LRBA: variants seen among roughly 807,000 people sequenced by gnomAD.
LRBA encodes lipopolysaccharide-responsive and beige-like anchor protein.
LRBA carries 176 observed loss-of-function variants against 330.0 expected under a neutral mutation model. The ratio of observed to expected loss-of-function variants is 0.53; its 90% CI spans 0.47 to 0.60. The LOEUF is 0.60. LRBA is among the 20% of genes least tolerant of loss of function. The pLI is 0.00. For missense variants in LRBA, 3,259 were observed against 3,444.8 expected (o/e 0.95, Z 1.35); for synonymous variants, 1,230 against 1,193.0 (o/e 1.03, Z -0.64).
At chr4:150,641,563 A>G (rs1264429358) in intron 37 of LRBA, among the ~76,000 whole-genome samples, 1 of 152,130 alleles carries the variant, frequency 6.6e-6, no homozygotes, top group African/African-American at 2.4e-5. Flanking sequence ...AAATTTGCAA[A>G]TAAGGTTTCA....
chr4:150,944,396 T>C (rs144352769), intron 2 of LRBA, among the ~76,000 whole-genome samples: 3 of 152,322 alleles, frequency 2.0e-5, no homozygotes, highest in African/African-American at 7.2e-5. Context: ...GCACTTTACA[T>C]GGATTATCAT....
chr4:150,442,308 C>G (rs935857718), intron 44 of LRBA, among the ~76,000 whole-genome samples: 1 of 152,088 alleles, frequency 6.6e-6, no homozygotes, highest in African/African-American at 2.4e-5. Context: ...AAAGGTAACT[C>G]TAAACCAAAA....
At chr4:150,572,637 C>T (rs185714596) in intron 40 of LRBA, among the ~76,000 whole-genome samples, 4 of 152,238 alleles carry the variant, frequency 2.6e-5, no homozygotes, top group Admixed American at 2.0e-4. Flanking sequence ...TTACTGACTC[C>T]ATTGCTAGAT....
chr4:150,849,480 T>C lies in LRBA; in HGVS notation c.4100A>G (p.Asn1367Ser), dbSNP rs138220755. Residue 1367 changes from asparagine to serine, a missense_variant, in exon 25 of 57, where the codon AAT becomes AGT. Coordinates refer to ENST00000651943, the MANE Select transcript of LRBA (RefSeq NM_001364905.1). Reference sequence around the variant, plus strand: ...TATACCCCCACAAGCCATGACCATATTGTCCATCACTTGAGAGATGAGATG... The same window carrying C: ...TATACCCCCACAAGCCATGACCATACTGTCCATCACTTGAGAGATGAGATG... Reference protein sequence around the residue: ...TIHLISQVMDNMVMACGGILP... With the variant: ...TIHLISQVMDSMVMACGGILP... 1.5e-4 allele frequency: 238 copies of C among 1,613,402 alleles called. No individual in the cohort carries two copies. The highest frequency in any genetic ancestry group is 2.2e-5 in the East Asian group (1 of 44,872).
chr4:150,925,729 T>A (rs1475425283), intron 4 of LRBA, among the ~76,000 whole-genome samples: 2 of 152,248 alleles, frequency 1.3e-5, no homozygotes, highest in African/African-American at 4.8e-5. Context: ...TATTATTTGC[T>A]ATTTTCTTAC....
rs1316205456 is a variant in LRBA at position 150,278,009 on chromosome 4, G to A, written c.8317-5C>T. 6.2e-7 allele frequency: 1 copy of A among 1,613,268 alleles called. No homozygotes were observed. Among genetic ancestry groups the A allele is most frequent in the Admixed American group, 1.7e-5 (1 of 59,994 alleles). On this transcript the variant is annotated splice_polypyrimidine_tract_variant and splice_region_variant and intron_variant, in intron 55 of 56. Coordinates refer to ENST00000651943, the MANE Select transcript of LRBA (RefSeq NM_001364905.1). ...ATCTCGGCTCAGCTGGATGGCCTGT[G>A]AGACACAGCAACATTCAGTAGAAAT...
chr4:150,720,773 T>A (rs1454629964), intron 36 of LRBA, among the ~76,000 whole-genome samples: 5 of 152,186 alleles, frequency 3.3e-5, no homozygotes, highest in Non-Finnish European at 7.4e-5. Flanking sequence ...ATAAATAATG[T>A]TCAATACTGA....
intron 36 of LRBA, among the ~76,000 whole-genome samples, chr4:150,729,930 T>C (rs2127120539): frequency 6.6e-6 from 1 of 152,276 alleles, no homozygotes; most frequent in Non-Finnish European, 1.5e-5. Context: ...CTGGGAAAGC[T>C]AGTTATCCAT....
chr4:150,817,194 A>G lies in LRBA; in HGVS notation c.5235T>C (p.Pro1745=). The change falls in exon 31 of 57, where the codon CCT becomes CCC. Residue 1745 remains proline (P), a synonymous_variant. Transcript: ENST00000651943. The part of the protein sequence containing the change: ...VSPSTFNTSI[P]TNAVSVVSSV... Reference sequence around the variant, plus strand: ...AGGAAACCACACTGACAGCATTGGTAGGTATGCTTGTATTAAAGGTGGAAG... The same window carrying G: ...AGGAAACCACACTGACAGCATTGGTGGGTATGCTTGTATTAAAGGTGGAAG... 2 of 1,612,054 alleles carry G rather than the reference A, an allele frequency of 1.2e-6. No homozygotes were observed. The highest frequency in any genetic ancestry group is 1.7e-6 in the Non-Finnish European group (2 of 1,178,490).
chr4:150,769,143 C>T (rs1279840462), intron 34 of LRBA, among the ~76,000 whole-genome samples: 1 of 151,846 alleles, frequency 6.6e-6, no homozygotes, highest in Non-Finnish European at 1.5e-5. Flanking sequence ...TGGGTTTTCA[C>T]CATGTTGGCT....
intron 38 of LRBA, among the ~76,000 whole-genome samples, chr4:150,595,350 G>A (rs1192114761): frequency 1.3e-5 from 2 of 151,878 alleles, no homozygotes; most frequent in African/African-American, 4.8e-5. Flanking sequence ...TAAAAAGGAA[G>A]CAACAGTATC....
chr4:150,873,401 G>A (rs995025328), intron 17 of LRBA, among the ~76,000 whole-genome samples: 1 of 151,916 alleles, frequency 6.6e-6, no homozygotes, highest in Non-Finnish European at 1.5e-5. Flanking sequence ...GACCAGCCTA[G>A]CCAACATGGT....
intron 47 of LRBA, among the ~76,000 whole-genome samples, chr4:150,353,891 T>A (rs1737493549): frequency 6.6e-6 from 1 of 152,200 alleles, no homozygotes; most frequent in Admixed American, 6.5e-5. Context: ...GCTTCAAGCA[T>A]GTCTTGCAAT....
At chr4:150,893,972 C>T (rs1222331148) in intron 16 of LRBA, among the ~76,000 whole-genome samples, 2 of 152,224 alleles carry the variant, frequency 1.3e-5, no homozygotes, top group Non-Finnish European at 2.9e-5. Context: ...AGCCACCGCG[C>T]CCGGCCTCGA....
At chr4:151,009,754 G>T (rs1389630960) in intron 2 of LRBA, among the ~76,000 whole-genome samples, 3 of 152,024 alleles carry the variant, frequency 2.0e-5, no homozygotes, top group African/African-American at 7.2e-5. Flanking sequence ...GCCAGGGCGG[G>T]TGGATCACGA....
intron 47 of LRBA, among the ~76,000 whole-genome samples, chr4:150,384,334 G>C (rs1393026705): frequency 6.6e-6 from 1 of 152,014 alleles, no homozygotes; most frequent in African/African-American, 2.4e-5. Context: ...CACTGAGCCC[G>C]GCCCAGTGTG....
At chr4:150,584,231 C>G in intron 40 of LRBA, 1 of 1,109,382 alleles carries the variant, frequency 9.0e-7, no homozygotes, top group Non-Finnish European at 1.2e-6. Flanking sequence ...AATAGGAATC[C>G]GGCAGAAGAC....
At chr4:150,537,415 G>A (rs1764778712) in intron 40 of LRBA, among the ~76,000 whole-genome samples, 1 of 152,148 alleles carries the variant, frequency 6.6e-6, no homozygotes, top group Admixed American at 6.5e-5. Context: ...CATTGGCCTT[G>A]GCAAAGAACT....
chr4:150,550,139 A>G (rs920055775), intron 40 of LRBA, among the ~76,000 whole-genome samples: 1 of 152,242 alleles, frequency 6.6e-6, no homozygotes, highest in Non-Finnish European at 1.5e-5. Flanking sequence ...GGCATTAAAA[A>G]TATGTGTGGA....
Sources: allele counts gnomAD v4.1 joint callset (sites outside exome capture counted in the v4.1 genomes callset), GRCh38; gene constraint gnomAD v4.1.1; transcripts MANE v1.5; gene names NCBI Gene and HGNC (gene_info 2026-07-23, HGNC 2026-07-21).